DSCAM: variants seen among roughly 807,000 people sequenced by gnomAD.
DSCAM encodes the protein cell adhesion molecule DSCAM.
A neutral mutation model predicts 217.7 loss-of-function variants in DSCAM; 47 were observed. The observed-to-expected ratio is 0.22, with a 90% CI of 0.17 to 0.28. The LOEUF (loss-of-function observed/expected upper bound fraction) is 0.28, where lower values mean the gene tolerates loss of function less well. DSCAM is among the 10% of genes least tolerant of loss of function. The probability of loss-of-function intolerance (pLI) is 1.00; values close to 1 mark genes in which losing one functional copy is unlikely to be tolerated. For synonymous variants in DSCAM, 1,056 were observed against 1,015.3 expected (o/e 1.04, Z -0.76); for missense variants, 2,080 against 2,618.3 (o/e 0.79, Z 4.49).
At chr21:40,066,291 T>C (rs2089205841) in intron 27 of DSCAM, among the ~76,000 whole-genome samples, 1 of 152,276 alleles carries the variant, frequency 6.6e-6, no homozygotes, top group South Asian at 2.1e-4. Flanking sequence ...GACATCTTCC[T>C]TTTCTTGTGC....
At chr21:40,234,966 C>A (rs1000099591) in intron 11 of DSCAM, among the ~76,000 whole-genome samples, 3 of 152,082 alleles carry the variant, frequency 2.0e-5, no homozygotes, top group African/African-American at 4.8e-5. Context: ...TGATAGCAGA[C>A]CTTGTTAATA....
intron 3 of DSCAM, among the ~76,000 whole-genome samples, chr21:40,688,061 T>A (rs1487886380): frequency 6.6e-6 from 1 of 152,220 alleles, no homozygotes; most frequent in African/African-American, 2.4e-5. Flanking sequence ...CTGAACTCAA[T>A]GATCCTAAGA....
chr21:40,323,680 T>C (rs904870215), intron 8 of DSCAM, among the ~76,000 whole-genome samples: 1 of 152,240 alleles, frequency 6.6e-6, no homozygotes, highest in South Asian at 2.1e-4. Context: ...TTCTCTCTAA[T>C]AATTGGAATA....
chr21:40,817,812 G>A (rs578107082), intron 1 of DSCAM, among the ~76,000 whole-genome samples: 2 of 152,284 alleles, frequency 1.3e-5, no homozygotes, highest in South Asian at 2.1e-4. Context: ...AGAAGCTCCC[G>A]GTGGCCGGGC....
intron 5 of DSCAM, 127 bp from the exon 6 acceptor site, chr21:40,348,072 C>T (rs1185913257): frequency 1.1e-5 from 9 of 796,934 alleles, no homozygotes; most frequent in Non-Finnish European, 1.7e-5. Context: ...TCCCATCAGC[C>T]ACATTATTGC....
intron 11 of DSCAM, among the ~76,000 whole-genome samples, chr21:40,230,935 A>C: frequency 6.7e-6 from 1 of 148,700 alleles, no homozygotes. Flanking sequence ...CACAACCCCC[A>C]CCCGGCATCC....
intron 11 of DSCAM, among the ~76,000 whole-genome samples, chr21:40,214,017 C>T (rs7283077): frequency 0.49 from 74,732 of 152,018 alleles, 18,939 homozygotes; most frequent in Middle Eastern, 0.58. Context: ...GGAGTCATTG[C>T]CCCCATAGAG....
chr21:40,023,088 G>T (rs1324508578), intron 32 of DSCAM, among the ~76,000 whole-genome samples: 1 of 142,136 alleles, frequency 7.0e-6, no homozygotes, highest in African/African-American at 2.6e-5. Flanking sequence ...TGATCTCATT[G>T]TTCAATTCCC....
intron 3 of DSCAM, among the ~76,000 whole-genome samples, chr21:40,486,464 A>T (rs2076029391): frequency 6.6e-6 from 1 of 152,008 alleles, no homozygotes; most frequent in African/African-American, 2.4e-5. Context: ...GAAGGAAGGA[A>T]AGAAGAAAAA....
chr21:40,793,773 G>T (rs1299249452), intron 1 of DSCAM, among the ~76,000 whole-genome samples: 1 of 152,174 alleles, frequency 6.6e-6, no homozygotes, highest in Admixed American at 6.5e-5. Flanking sequence ...TTACAGGCAT[G>T]AGCCACGATG....
intron 3 of DSCAM, among the ~76,000 whole-genome samples, chr21:40,385,821 A>T (rs186455056): frequency 2.3e-4 from 35 of 151,920 alleles, no homozygotes; most frequent in African/African-American, 8.5e-4. Context: ...AAATCTGATA[A>T]GCCTTTGTCA....
Position 40,681,489 on chromosome 21 carries a change from C to CTTTT in DSCAM, c.508+11317_508+11320dup, listed in dbSNP as rs57356615. 6.1e-4 allele frequency among the ~76,000 whole-genome samples: 89 copies of CTTTT among 145,820 alleles called. 1 individual carries two copies. The highest frequency in any genetic ancestry group is 1.4e-3 in the East Asian group (7 of 4,952). On this transcript the variant is annotated intron_variant, in intron 3 of 32. Transcript: ENST00000400454. The stretch of plus-strand genomic sequence containing the variant: ...TTTTTGTTTCCTTCCCTTAAAAATG[C>CTTTT]TTTTTTTTTTTTTTTAAGAATCTCA...
At chr21:40,237,096 G>C (rs143920084) in intron 11 of DSCAM, among the ~76,000 whole-genome samples, 191 of 152,316 alleles carry the variant, frequency 1.3e-3, no homozygotes, top group African/African-American at 4.5e-3. Flanking sequence ...TCCTGTGGCT[G>C]CTGGAATAAG....
chr21:40,461,604 G>A (rs1443165328), intron 3 of DSCAM, among the ~76,000 whole-genome samples: 1 of 152,150 alleles, frequency 6.6e-6, no homozygotes, highest in Non-Finnish European at 1.5e-5. Context: ...AAATACGTTT[G>A]CATCCCAATC....
chr21:40,087,893 T>C (rs1294866943), intron 21 of DSCAM, among the ~76,000 whole-genome samples: 1 of 152,158 alleles, frequency 6.6e-6, no homozygotes, highest in African/African-American at 2.4e-5. Context: ...CTGGTACTGG[T>C]GCAGCCCCAA....
intron 11 of DSCAM, among the ~76,000 whole-genome samples, chr21:40,266,077 T>C (rs1406678292): frequency 6.6e-6 from 1 of 152,104 alleles, no homozygotes; most frequent in African/African-American, 2.4e-5. Context: ...ACCTACAGAA[T>C]GGAAGTAAAT....
chr21:40,803,371 C>T (rs1197752772), intron 1 of DSCAM, among the ~76,000 whole-genome samples: 1 of 152,196 alleles, frequency 6.6e-6, no homozygotes, highest in Non-Finnish European at 1.5e-5. Flanking sequence ...CCCCATTACC[C>T]ACCACAAGTC....
chr21:40,473,161 C>T (rs13051308), intron 3 of DSCAM, among the ~76,000 whole-genome samples: 17,517 of 152,186 alleles, frequency 0.12, 1,124 homozygotes, highest in East Asian at 0.24. Flanking sequence ...TTGCCAGCTA[C>T]GGCTAGGTAA....
intron 3 of DSCAM, among the ~76,000 whole-genome samples, chr21:40,473,423 C>T (rs763089355): frequency 5.9e-5 from 9 of 152,184 alleles, no homozygotes; most frequent in East Asian, 1.9e-4. Context: ...CTGACAATAA[C>T]GGCCAACCTA....
Sources: allele counts gnomAD v4.1 joint callset (sites outside exome capture counted in the v4.1 genomes callset), GRCh38; gene constraint gnomAD v4.1.1; transcripts MANE v1.5; gene names NCBI Gene and HGNC (gene_info 2026-07-23, HGNC 2026-07-21).